Variants in GOLGA6L9 observed in about 807,000 individuals in gnomAD.
The protein encoded by GOLGA6L9 is golgin subfamily A member 6-like protein 9.
GOLGA6L9 carries 19 observed loss-of-function variants against 51.3 expected under a neutral mutation model. The observed-to-expected ratio is 0.37, with a 90% CI of 0.26 to 0.54. The LOEUF (loss-of-function observed/expected upper bound fraction) is 0.54, where lower values mean the gene tolerates loss of function less well. GOLGA6L9 is among the 20% of genes least tolerant of loss of function. The pLI is 0.83. For synonymous variants in GOLGA6L9, 97 were observed against 184.2 expected, an observed-to-expected ratio of 0.53 and a Z score of 3.83; for missense variants, 247 against 464.1, an observed-to-expected ratio of 0.53 and a Z score of 4.30.
chr15:82,437,344 C>CA lies in GOLGA6L9; in HGVS notation c.*934dup. On this transcript the variant is annotated 3_prime_UTR_variant, in exon 9 of 9. Transcript: ENST00000618348. ...TACAATACATTTTAAAGTCAGAGTT[C>CA]ATGTTCCCTGTTTTAATCACATGAC... The CA allele has an allele frequency of 9.4e-6, 1 of 106,386 alleles. No homozygotes were observed. Among genetic ancestry groups the CA allele is most frequent in the Non-Finnish European group, 1.8e-5 (1 of 54,136 alleles). The allele number at this position is 106,386 out of a possible 1,614,324, so 6.6% of individuals were successfully genotyped here.
chr15:82,436,562 A>G lies in GOLGA6L9; in HGVS notation c.*151A>G, dbSNP rs1595950820. On this transcript the variant is annotated 3_prime_UTR_variant, in exon 9 of 9. Transcript: ENST00000618348. ...TATTTGTGTTTCTAATTTATAGTTTAAATTTATTTGTTTCTAATTTATAGT... is the reference window on the plus strand; with the variant it reads ...TATTTGTGTTTCTAATTTATAGTTTGAATTTATTTGTTTCTAATTTATAGT... 4 of 903,116 alleles carry G rather than the reference A, an allele frequency of 4.4e-6. No individual in the cohort carries two copies. Among genetic ancestry groups the G allele is most frequent in the East Asian group, 2.7e-5 (1 of 36,488 alleles). 55.9% of individuals were successfully genotyped at this position (903,116 alleles called of 1,614,324 possible).
chr15:82,415,961 C>T, the GOLGA6L9 span: 1 of 152,242 alleles, frequency 6.6e-6, no homozygotes, highest in East Asian at 1.9e-4. Context: ...TGCCACTGCG[C>T]TCCAGCCTGG....
At chr15:82,416,342 A>G in the GOLGA6L9 span, among the ~76,000 whole-genome samples, 1 of 152,188 alleles carries the variant, frequency 6.6e-6, no homozygotes, top group Non-Finnish European at 1.5e-5. Context: ...TCAGGTAAGT[A>G]AACTATTACC....
rs1283613243 is a variant in GOLGA6L9 at position 82,436,586 on chromosome 15, G to C, written c.*175G>C. ...TAAATTTATTTGTTTCTAATTTATA[G>C]TTTAAATTTATTTGTGTTTCTAATT... On this transcript the variant is annotated 3_prime_UTR_variant, in exon 9 of 9. Transcript: ENST00000618348. 1.6e-6 allele frequency: 1 copy of C among 625,362 alleles called. No individual in the cohort carries two copies. The highest frequency in any genetic ancestry group is 2.5e-6 in the Non-Finnish European group (1 of 400,358). 38.7% of individuals were successfully genotyped at this position (625,362 alleles called of 1,614,324 possible). A position where few individuals can be genotyped will look rare whatever the true frequency, so the allele number is the denominator to read the frequency against.
the GOLGA6L9 span, among the ~76,000 whole-genome samples, chr15:82,417,498 C>A: frequency 6.6e-6 from 1 of 152,198 alleles, no homozygotes; most frequent in Non-Finnish European, 1.5e-5. Context: ...ACTAGAACTA[C>A]TTCTGTCTTC....
In GOLGA6L9 at chr15:82,436,976, C is replaced by T. The variant is rs1347336839; in HGVS notation, c.*565C>T. The T allele has an allele frequency of 6.3e-6, 1 of 158,198 alleles. No homozygotes were observed. The highest frequency in any genetic ancestry group is 2.4e-5 in the African/African-American group (1 of 41,262). The allele number at this position is 158,198 out of a possible 1,614,324, so 9.8% of individuals were successfully genotyped here. On this transcript the variant is annotated 3_prime_UTR_variant, in exon 9 of 9. Coordinates refer to ENST00000618348, the MANE Select transcript of GOLGA6L9 (RefSeq NM_198181.4). ...CTTCATTAGCTCAATATGTGGTTTGCCCTCTGGAAACAGCCTTTCCCCCTT... is the reference window on the plus strand; with the variant it reads ...CTTCATTAGCTCAATATGTGGTTTGTCCTCTGGAAACAGCCTTTCCCCCTT...
chr15:82,417,440 A>G, the GOLGA6L9 span, among the ~76,000 whole-genome samples: 1 of 152,236 alleles, frequency 6.6e-6, no homozygotes, highest in Admixed American at 6.5e-5. Context: ...TGCTGCTGGA[A>G]GTGTATATTA....
chr15:82,429,740 T>G (rs2031337020), upstream of GOLGA6L9, among the ~76,000 whole-genome samples: 1 of 152,152 alleles, frequency 6.6e-6, no homozygotes, highest in African/African-American at 2.4e-5. Flanking sequence ...ACACATATAT[T>G]TTTTAAAGTT....
chr15:82,433,075 C>T lies in GOLGA6L9; in HGVS notation c.345+178C>T, dbSNP rs1325383427. ...CAGAACATGCAGCATGGCTCTTCTG[C>T]ACTGCCCTCTTTGCTGACTCTCTCT... On this transcript the variant is annotated intron_variant, in intron 4 of 8. Coordinates refer to ENST00000618348, the MANE Select transcript of GOLGA6L9 (RefSeq NM_198181.4). Among the ~76,000 whole-genome samples, 22 of 151,710 alleles carry T rather than the reference C, an allele frequency of 1.5e-4. No homozygotes were observed. In the East Asian group the frequency reaches 4.3e-3, roughly 29 times the overall value.
chr15:82,419,750 A>T, the GOLGA6L9 span, among the ~76,000 whole-genome samples: 1 of 152,222 alleles, frequency 6.6e-6, no homozygotes, highest in African/African-American at 2.4e-5. Context: ...GATAGGCGTT[A>T]ACAGTGACCT....
At chr15:82,424,260 C>T in the GOLGA6L9 span, among the ~76,000 whole-genome samples, 5 of 151,516 alleles carry the variant, frequency 3.3e-5, no homozygotes, top group Non-Finnish European at 4.4e-5. Flanking sequence ...TTAGTAAAGA[C>T]GAGGTTTCAC....
rs2031370209 is a variant in GOLGA6L9 at position 82,430,265 on chromosome 15, G to A, written c.84+102G>A. On this transcript the variant is annotated intron_variant, in intron 1 of 8. Transcript: ENST00000618348. ...CCACTCCTGAGGCATACCAGATGGG[G>A]CCCCCCAACCCCAGCCCCTCTGGGC... 10 of 399,326 alleles carry A rather than the reference G, an allele frequency of 2.5e-5. 1 individual carries two copies. Among genetic ancestry groups the A allele is most frequent in the South Asian group, 2.0e-4 (9 of 45,594 alleles). The allele number at this position is 399,326 out of a possible 1,614,324, so 24.7% of individuals were successfully genotyped here.
Position 82,434,184 on chromosome 15 carries a change from G to T in GOLGA6L9, c.584G>T (p.Arg195Met). The T allele has an allele frequency of 6.5e-7, 1 of 1,547,922 alleles. No homozygotes were observed. Among genetic ancestry groups the T allele is most frequent in the Non-Finnish European group, 8.7e-7 (1 of 1,154,296 alleles). Reference sequence around the variant, plus strand: ...AATCAGATGTTGAGTCTCCTGAACAGGAGACAGGAGGAGAGGCTACGTGAA... The same window carrying T: ...AATCAGATGTTGAGTCTCCTGAACATGAGACAGGAGGAGAGGCTACGTGAA... ...ENNQMLSLLN[R>M]RQEERLREQE... The change falls in exon 6 of 9, where the codon AGG becomes ATG. Residue 195 changes from arginine (R) to methionine (M), a missense_variant. By Grantham distance (91) the Arg-to-Met change is moderately conservative (BLOSUM62 -1). Coordinates refer to ENST00000618348, the MANE Select transcript of GOLGA6L9 (RefSeq NM_198181.4).
At chr15:82,417,600 C>T in the GOLGA6L9 span, among the ~76,000 whole-genome samples, 1 of 152,214 alleles carries the variant, frequency 6.6e-6, no homozygotes, top group Non-Finnish European at 1.5e-5. Context: ...TTTCTTCCTA[C>T]TTTCTGAGAC....
intron 2 of GOLGA6L9, 117 bp downstream of exon 2, chr15:82,432,066 T>A: frequency 8.0e-7 from 1 of 1,246,978 alleles, no homozygotes; most frequent in South Asian, 1.5e-5. Flanking sequence ...ATTTGAATCC[T>A]GCCTCTCCGT....
chr15:82,424,272 A>G, the GOLGA6L9 span, among the ~76,000 whole-genome samples: 6 of 151,820 alleles, frequency 4.0e-5, no homozygotes, highest in Non-Finnish European at 8.8e-5. Flanking sequence ...AGGTTTCACC[A>G]TGTTGGCCAG....
At chr15:82,433,072 C>T (rs2031480921) in intron 4 of GOLGA6L9, among the ~76,000 whole-genome samples, 175 bp downstream of exon 4, 1 of 151,608 alleles carries the variant, frequency 6.6e-6, no homozygotes, top group South Asian at 2.1e-4. Flanking sequence ...CATGGCTCTT[C>T]TGCACTGCCC....
chr15:82,418,639 T>C, the GOLGA6L9 span: 1 of 152,246 alleles, frequency 6.6e-6, no homozygotes, highest in African/African-American at 2.4e-5. Context: ...TCCCCAGAAG[T>C]TGTCTTTGGT....
the GOLGA6L9 span, chr15:82,418,682 TGAG>T: frequency 1.3e-5 from 2 of 152,218 alleles, no homozygotes; most frequent in Non-Finnish European, 2.9e-5. Context: ...AGAAAGGACT[TGAG>T]GAGTCCCAGA....
Sources: allele counts gnomAD v4.1 joint callset (sites outside exome capture counted in the v4.1 genomes callset), GRCh38; gene constraint gnomAD v4.1.1; transcripts MANE v1.5; gene names NCBI Gene and HGNC (gene_info 2026-07-23, HGNC 2026-07-21).